Variants in PRKAR1B observed in about 807,000 individuals in gnomAD.
The protein encoded by PRKAR1B is cAMP-dependent protein kinase type I-beta regulatory subunit.
PRKAR1B carries 22 observed loss-of-function variants against 46.5 expected under a neutral mutation model. The observed-to-expected ratio is 0.47, with a 90% CI of 0.34 to 0.68. PRKAR1B has a LOEUF of 0.68. PRKAR1B is among the 30% of genes least tolerant of loss of function. The pLI is 0.01. For synonymous variants in PRKAR1B, 259 were observed against 217.7 expected, an observed-to-expected ratio of 1.19 and a Z score of -1.67; for missense variants, 445 against 535.6, an observed-to-expected ratio of 0.83 and a Z score of 1.67.
chr7:610,667 C>T (rs149838920), intron 4 of PRKAR1B, among the ~76,000 whole-genome samples: 58 of 152,340 alleles, frequency 3.8e-4, no homozygotes, highest in Non-Finnish European at 6.9e-4. Flanking sequence ...CCCCCCCGCA[C>T]GGCTTCACCC....
intron 4 of PRKAR1B, among the ~76,000 whole-genome samples, chr7:652,539 A>C (rs568896131): frequency 4.3e-4 from 54 of 124,664 alleles, no homozygotes; most frequent in East Asian, 1.1e-3. Context: ...TCTCGGAAGA[A>C]AGTTCATACC....
Position 655,800 on chromosome 7 carries a change from C to A in PRKAR1B, c.440+21429G>T, listed in dbSNP as rs528516328. On this transcript the variant is annotated intron_variant, in intron 4 of 10. Coordinates refer to ENST00000537384, the MANE Select transcript of PRKAR1B (RefSeq NM_001164760.2). Reference sequence around the variant, plus strand: ...GCCACATATGATTCAGAGTTGGTTCCCTGATTGATGAGAGCATGCCCCAAG... The same window carrying A: ...GCCACATATGATTCAGAGTTGGTTCACTGATTGATGAGAGCATGCCCCAAG... 3.4e-4 allele frequency among the ~76,000 whole-genome samples: 52 copies of A among 152,190 alleles called. 1 individual carries two copies. Among genetic ancestry groups the A allele is most frequent in the African/African-American group, 1.3e-3 (52 of 41,514 alleles).
chr7:558,325 CA>C (rs1355914196), intron 9 of PRKAR1B, among the ~76,000 whole-genome samples: 7 of 63,138 alleles, frequency 1.1e-4, no homozygotes, highest in African/African-American at 4.0e-4. Context: ...GACCCTGTCT[CA>C]GGAAAAAAAA....
rs900571765 is a variant in PRKAR1B at position 668,177 on chromosome 7, G to T, written c.440+9052C>A. Among the ~76,000 whole-genome samples the T allele has an allele frequency of 5.3e-5, 8 of 152,212 alleles. No individual in the cohort carries two copies. In the East Asian group the frequency reaches 5.8e-4, roughly 11 times the overall value. On this transcript the variant is annotated intron_variant, in intron 4 of 10. Coordinates refer to ENST00000537384, the MANE Select transcript of PRKAR1B (RefSeq NM_001164760.2). ...TCTCTGCCGCACTCTTCCTAAGCGG[G>T]GAAGCAGAGAGAAGAAGAGCAGGCA...
intron 2 of PRKAR1B, among the ~76,000 whole-genome samples, chr7:684,908 T>C (rs898655521): frequency 1.8e-4 from 25 of 136,410 alleles, no homozygotes; most frequent in African/African-American, 6.7e-4. Context: ...ACACAGAGGA[T>C]GGAAGCAAAT....
In PRKAR1B at chr7:569,322, C is replaced by T. The variant is rs572777332; in HGVS notation, c.891+9934G>A. Among the ~76,000 whole-genome samples, 29 of 152,334 alleles carry T rather than the reference C, an allele frequency of 1.9e-4. No homozygotes were observed. The South Asian group carries it at 5.4e-3, about 28-fold the overall frequency. The stretch of plus-strand genomic sequence containing the variant: ...ACAGCCTGCCGGCCGCCCCAATTCA[C>T]ATCGAAACTCACTTACGCTGAAAGG... On this transcript the variant is annotated intron_variant, in intron 9 of 10. Coordinates refer to ENST00000537384, the MANE Select transcript of PRKAR1B (RefSeq NM_001164760.2).
At chr7:712,229 C>T (rs1251644812) in intron 1 of PRKAR1B, among the ~76,000 whole-genome samples, 4 of 150,798 alleles carry the variant, frequency 2.7e-5, no homozygotes, top group African/African-American at 9.7e-5. Context: ...CCCGCGCCCC[C>T]CGCCCCAAAC....
At chr7:550,796 T>C (rs1488073040) in intron 10 of PRKAR1B, among the ~76,000 whole-genome samples, 194 bp from the exon 11 acceptor site, 1 of 152,188 alleles carries the variant, frequency 6.6e-6, no homozygotes, top group Non-Finnish European at 1.5e-5. Context: ...TAATGAATTG[T>C]TTATTATCTG....
intron 9 of PRKAR1B, among the ~76,000 whole-genome samples, chr7:567,415 TCATCACCATCATCACCATCATCATCAC>T (rs1346656893): frequency 1.4e-5 from 2 of 142,190 alleles, no homozygotes; most frequent in Non-Finnish European, 3.1e-5. Context: ...ACCTCCATCA[TCATCACCATCATCACCATCATCATCAC>T]CATCACCTCC....
At chr7:628,431 T>C (rs1410828888) in intron 4 of PRKAR1B, among the ~76,000 whole-genome samples, 2 of 152,244 alleles carry the variant, frequency 1.3e-5, no homozygotes, top group African/African-American at 4.8e-5. Context: ...CAGACTGGGA[T>C]GCAGGATCTT....
chr7:658,533 T>C (rs2128493476), intron 4 of PRKAR1B, among the ~76,000 whole-genome samples: 1 of 152,240 alleles, frequency 6.6e-6, no homozygotes, highest in South Asian at 2.1e-4. Context: ...CGGGAGAAAG[T>C]GGGAGGGAAG....
At chr7:552,344 C>T (rs28565391) in intron 9 of PRKAR1B, among the ~76,000 whole-genome samples, 1,350 of 85,422 alleles carry the variant, frequency 0.016, 7 homozygotes, top group East Asian at 0.022. Context: ...GCCACTGCCA[C>T]CACCACGTCA....
At position 698,527 on chromosome 7, in the gene PRKAR1B, T is replaced by C. The variant is rs115612821; in HGVS notation, c.177+12802A>G. Among the ~76,000 whole-genome samples the C allele has an allele frequency of 8.6e-3, 1,307 of 152,136 alleles. 12 individuals carry two copies. Among genetic ancestry groups the C allele is most frequent in the Middle Eastern group, 0.031 (9 of 294 alleles). ...GTACGTGCGTGAGCATGTGCACATA[T>C]GTGTGAACATGTACATATCCAACTA... is the stretch of plus-strand genomic sequence containing the variant. On this transcript the variant is annotated intron_variant, in intron 2 of 10. Coordinates refer to ENST00000537384, the MANE Select transcript of PRKAR1B (RefSeq NM_001164760.2).
At chr7:699,459 T>C (rs1779946893) in intron 2 of PRKAR1B, among the ~76,000 whole-genome samples, 1 of 150,638 alleles carries the variant, frequency 6.6e-6, no homozygotes, top group South Asian at 2.1e-4. Context: ...GAGGAAGGAG[T>C]GGGCAGTTAC....
chr7:669,656 C>G (rs560845221), intron 4 of PRKAR1B, among the ~76,000 whole-genome samples: 1 of 151,194 alleles, frequency 6.6e-6, no homozygotes, highest in Non-Finnish European at 1.5e-5. Flanking sequence ...CTCAGCTACT[C>G]GGGAGGCTGA....
At chr7:580,487 T>A (rs1780111062) in intron 8 of PRKAR1B, among the ~76,000 whole-genome samples, 2 of 152,178 alleles carry the variant, frequency 1.3e-5, no homozygotes, top group Non-Finnish European at 2.9e-5. Flanking sequence ...AGGGGACTGA[T>A]CAAACAACAT....
At chr7:713,461 G>A (rs572299836) in intron 1 of PRKAR1B, among the ~76,000 whole-genome samples, 45 of 148,946 alleles carry the variant, frequency 3.0e-4, no homozygotes, top group African/African-American at 9.8e-4. Context: ...CCACTCACCC[G>A]TACACACCAT....
chr7:567,946 A>G (rs1448953162), intron 9 of PRKAR1B, among the ~76,000 whole-genome samples: 18 of 152,142 alleles, frequency 1.2e-4, no homozygotes, highest in Non-Finnish European at 2.9e-5. Context: ...CATTCTGGAG[A>G]TGATGGTGGT....
At chr7:594,611 G>A (rs1271315272) in intron 7 of PRKAR1B, among the ~76,000 whole-genome samples, 3 of 152,118 alleles carry the variant, frequency 2.0e-5, no homozygotes, top group African/African-American at 7.2e-5. Flanking sequence ...GAGGAGACCT[G>A]AGGCCATAAG....
Sources: allele counts gnomAD v4.1 joint callset (sites outside exome capture counted in the v4.1 genomes callset), GRCh38; gene constraint gnomAD v4.1.1; transcripts MANE v1.5; gene names NCBI Gene and HGNC (gene_info 2026-07-23, HGNC 2026-07-21).